Variants in FZD3 observed in about 807,000 individuals in gnomAD.
FZD3 encodes the protein frizzled-3.
FZD3 carries 30 observed loss-of-function variants against 60.7 expected under a neutral mutation model. The ratio of observed to expected loss-of-function variants is 0.49; its 90% CI spans 0.37 to 0.67. The LOEUF is 0.67. Ranked by LOEUF, FZD3 falls within the 30% of genes least tolerant of loss-of-function variation. FZD3 has a pLI of 0.00. For missense variants in FZD3, 605 were observed against 838.7 expected, an observed-to-expected ratio of 0.72 and a Z score of 3.44; for synonymous variants, 246 against 275.2, an observed-to-expected ratio of 0.89 and a Z score of 1.05.
intron 5 of FZD3, among the ~76,000 whole-genome samples, chr8:28,547,964 A>T (rs7829223): frequency 0.54 from 81,205 of 151,212 alleles, 22,341 homozygotes; most frequent in South Asian, 0.64. Flanking sequence ...GCAATTCTTC[A>T]GTCTCAGCCT....
rs144596533 is a variant in FZD3, at chr8:28,505,503, G to A, written c.189+2301G>A. Among the ~76,000 whole-genome samples the A allele has an allele frequency of 2.9e-4, 44 of 151,998 alleles. No individual in the cohort carries two copies. In the East Asian group the frequency reaches 8.1e-3, roughly 28 times the overall value. On this transcript the variant is annotated intron_variant, in intron 3 of 7. Coordinates refer to ENST00000240093, the MANE Select transcript of FZD3 (RefSeq NM_017412.4). ...GTAGCTGGGACTACAGGTGTGTGCC[G>A]CCACCCCTGGCTAATTTTTTTGTAT... is the stretch of plus-strand genomic sequence containing the variant.
chr8:28,499,666 T>G lies in FZD3; in HGVS notation c.-390-267T>G, dbSNP rs145292343. ...ATTGAAGGTGTTCTTTACCCTGTACTCCCACCCTATACTGTGTTCTATCAT... is the reference window on the plus strand; with the variant it reads ...ATTGAAGGTGTTCTTTACCCTGTACGCCCACCCTATACTGTGTTCTATCAT... On this transcript the variant is annotated intron_variant, in intron 1 of 7. Transcript: ENST00000240093. Among the ~76,000 whole-genome samples, 65 of 152,254 alleles carry G rather than the reference T, an allele frequency of 4.3e-4. No homozygotes were observed. In the East Asian group the frequency reaches 0.012, roughly 28 times the overall value.
At chr8:28,547,511 T>C (rs1274987209) in intron 5 of FZD3, among the ~76,000 whole-genome samples, 1 of 152,194 alleles carries the variant, frequency 6.6e-6, no homozygotes, top group Non-Finnish European at 1.5e-5. Flanking sequence ...ATCACCAATA[T>C]ATGAGAGTAT....
At chr8:28,503,319 A>T in intron 3 of FZD3, 117 bp downstream of exon 3, 2 of 543,162 alleles carry the variant, frequency 3.7e-6, no homozygotes, top group Non-Finnish European at 6.4e-6. Flanking sequence ...ATTTTAAATT[A>T]TATCTTATAA....
At chr8:28,544,565 T>C (rs1805251551) in intron 5 of FZD3, among the ~76,000 whole-genome samples, 1 of 152,230 alleles carries the variant, frequency 6.6e-6, no homozygotes, top group Non-Finnish European at 1.5e-5. Flanking sequence ...TCATGAACTT[T>C]TGGCATTCCA....
rs1173246063 is a variant in FZD3 at position 28,565,783 on chromosome 8, A to G, written c.*2772A>G. The G allele has an allele frequency of 6.6e-6, 1 of 152,184 alleles. No homozygotes were observed. Among genetic ancestry groups the G allele is most frequent in the Non-Finnish European group, 1.5e-5 (1 of 67,998 alleles). 9.4% of individuals were successfully genotyped at this position (152,184 alleles called of 1,614,324 possible). On this transcript the variant is annotated 3_prime_UTR_variant, in exon 8 of 8. Transcript: ENST00000240093. ...AACAACAGTATTCAGTTTGGGCAGC[A>G]GTTTTAAGTCTAACTAGCTTAAACC...
intron 5 of FZD3, among the ~76,000 whole-genome samples, chr8:28,537,916 A>G (rs778985685): frequency 2.6e-5 from 4 of 152,120 alleles, no homozygotes; most frequent in African/African-American, 7.2e-5. Flanking sequence ...CAGGAGTTCA[A>G]GACTAGCCTG....
chr8:28,529,459 T>C (rs1056916847), intron 5 of FZD3, among the ~76,000 whole-genome samples: 7 of 152,178 alleles, frequency 4.6e-5, no homozygotes, highest in Non-Finnish European at 1.0e-4. Flanking sequence ...AGAAGAACTT[T>C]TTTGTTTTTT....
chr8:28,500,167 TA>T (rs1803951074), intron 2 of FZD3, among the ~76,000 whole-genome samples, 189 bp downstream of exon 2: 1 of 152,242 alleles, frequency 6.6e-6, no homozygotes, highest in Non-Finnish European at 1.5e-5. Flanking sequence ...TTAATAATCA[TA>T]AACTGCAGTC....
At chr8:28,549,492 T>C (rs1326160035) in intron 5 of FZD3, among the ~76,000 whole-genome samples, 2 of 152,126 alleles carry the variant, frequency 1.3e-5, no homozygotes, top group East Asian at 3.8e-4. Context: ...TTTTTCCAGG[T>C]ATAAAATTAT....
Position 28,566,844 on chromosome 8 carries a change from T to G in FZD3, c.*3833T>G, listed in dbSNP as rs1044531001. 2.0e-5 allele frequency: 3 copies of G among 152,226 alleles called. No individual in the cohort carries two copies. Among genetic ancestry groups the G allele is most frequent in the Non-Finnish European group, 4.4e-5 (3 of 68,028 alleles). 9.4% of individuals were successfully genotyped at this position (152,226 alleles called of 1,614,324 possible). A position where few individuals can be genotyped will look rare whatever the true frequency, so the allele number is the denominator to read the frequency against. On this transcript the variant is annotated 3_prime_UTR_variant, in exon 8 of 8. Transcript: ENST00000240093. Reference sequence around the variant, plus strand: ...ATGATGTCAACTGGGCTGGTCATTTTATTTCTCTGAGTCTTTGTTTCTTCA... The same window carrying G: ...ATGATGTCAACTGGGCTGGTCATTTGATTTCTCTGAGTCTTTGTTTCTTCA...
In FZD3 at chr8:28,527,393, C is replaced by A. The variant is rs758890194; in HGVS notation, c.633C>A (p.Ile211=). The A allele has an allele frequency of 6.2e-7, 1 of 1,613,940 alleles. No homozygotes were observed. Among genetic ancestry groups the A allele is most frequent in the South Asian group, 1.1e-5 (1 of 91,078 alleles). Residue 211 remains isoleucine, a synonymous_variant, in exon 5 of 8, where the codon ATC becomes ATA. Transcript: ENST00000240093. The surrounding 1 kb of genome is among the most constrained non-coding windows in gnomAD (Gnocchi z 5.0). ...FARYFIGLIS[I]ICLSATLFTF... ...GCTATTTCATAGGATTGATTTCAAT[C>A]ATTTGCCTCTCGGCCACATTGTTTA...
intron 5 of FZD3, among the ~76,000 whole-genome samples, chr8:28,537,848 G>A (rs1323150473): frequency 6.6e-6 from 1 of 152,112 alleles, no homozygotes; most frequent in Non-Finnish European, 1.5e-5. Flanking sequence ...CAGGCGTGGT[G>A]GCTCACGCCT....
rs1805715682 is a variant in FZD3 at position 28,566,964 on chromosome 8, A to G, written c.*3953A>G. ...ATAGTATTTATTATAATGCTCTGTA[A>G]CCCATAAATTATTCTACTTAAAAAA... On this transcript the variant is annotated 3_prime_UTR_variant, in exon 8 of 8. Coordinates refer to ENST00000240093, the MANE Select transcript of FZD3 (RefSeq NM_017412.4). The G allele has an allele frequency of 6.6e-6, 1 of 152,090 alleles. No homozygotes were observed. Among genetic ancestry groups the G allele is most frequent in the Non-Finnish European group, 1.5e-5 (1 of 68,016 alleles). 9.4% of individuals were successfully genotyped at this position (152,090 alleles called of 1,614,324 possible).
At chr8:28,555,022 G>A (rs768933841) in intron 6 of FZD3, among the ~76,000 whole-genome samples, 2 of 152,010 alleles carry the variant, frequency 1.3e-5, no homozygotes, top group Non-Finnish European at 2.9e-5. Context: ...TAAACCATCT[G>A]TCTACTTAGT....
chr8:28,508,295 A>G (rs985413502), intron 3 of FZD3, among the ~76,000 whole-genome samples: 2 of 152,156 alleles, frequency 1.3e-5, no homozygotes, highest in African/African-American at 4.8e-5. Flanking sequence ...CAAACTCTGA[A>G]TCATCAATTT....
At chr8:28,500,906 G>A (rs1470281341) in intron 2 of FZD3, among the ~76,000 whole-genome samples, 1 of 151,962 alleles carries the variant, frequency 6.6e-6, no homozygotes, top group Non-Finnish European at 1.5e-5. Flanking sequence ...GACTACAGGC[G>A]CCTGCCACCA....
chr8:28,504,550 G>T (rs1364292630), intron 3 of FZD3, among the ~76,000 whole-genome samples: 2 of 152,148 alleles, frequency 1.3e-5, no homozygotes, highest in East Asian at 3.8e-4. Context: ...TCAACTTTTG[G>T]CTCTGCCATG....
rs570061290 is a variant in FZD3 at position 28,546,563 on chromosome 8, A to G, written c.1405-5040A>G. The stretch of plus-strand genomic sequence containing the variant: ...TTTCTCGAAATAGAATTGCTAGGTT[A>G]TACCAATTTACCAACAGTGAGGGTG... On this transcript the variant is annotated intron_variant, in intron 5 of 7. Transcript: ENST00000240093. 1.9e-3 allele frequency among the ~76,000 whole-genome samples: 293 copies of G among 152,344 alleles called. 1 individual carries two copies. Among genetic ancestry groups the G allele is most frequent in the Non-Finnish European group, 2.9e-3 (199 of 68,032 alleles).
Sources: gnomAD v4.1 joint callset for allele counts (sites outside exome capture counted in the v4.1 genomes callset) on GRCh38, gnomAD v4.1.1 for gene constraint, Gnocchi (gnomAD v3.1) non-coding constraint, MANE v1.5 for transcripts, NCBI Gene and HGNC (gene_info 2026-07-23, HGNC 2026-07-21) for gene names.